Variants in EXOC4 observed in about 807,000 individuals in gnomAD.
The protein encoded by EXOC4 is exocyst complex component 4.
A neutral mutation model predicts 107.2 loss-of-function variants in EXOC4; 71 were observed. The ratio of observed to expected loss-of-function variants is 0.66; its 90% CI spans 0.55 to 0.81. The LOEUF (loss-of-function observed/expected upper bound fraction) is 0.81, where lower values mean the gene tolerates loss of function less well. Among genes scored for constraint, EXOC4 ranks in the 30% least tolerant of loss-of-function variants. EXOC4 has a pLI of 0.00. For missense variants in EXOC4, 1,108 were observed against 1,189.6 expected (o/e 0.93, Z 1.01); for synonymous variants, 456 against 441.2 (o/e 1.03, Z -0.42).
intron 9 of EXOC4, among the ~76,000 whole-genome samples, chr7:133,629,381 CA>C (rs1287704820): frequency 6.6e-6 from 1 of 152,094 alleles, no homozygotes; most frequent in Non-Finnish European, 1.5e-5. Context: ...CTTTATGTGC[CA>C]TACTATCCAA....
chr7:133,701,342 T>G (rs1794651363), intron 10 of EXOC4, among the ~76,000 whole-genome samples: 4 of 152,240 alleles, frequency 2.6e-5, no homozygotes, highest in Non-Finnish European at 4.4e-5. Flanking sequence ...AAGGAGAATA[T>G]TAACCTGATT....
intron 11 of EXOC4, among the ~76,000 whole-genome samples, chr7:133,844,109 A>G (rs1798073914): frequency 6.6e-6 from 1 of 152,100 alleles, no homozygotes; most frequent in African/African-American, 2.4e-5. Flanking sequence ...TATTAAGGAT[A>G]TTGGCCTTAA....
chr7:133,440,199 G>A (rs559648642), intron 7 of EXOC4, among the ~76,000 whole-genome samples: 127 of 152,174 alleles, frequency 8.3e-4, no homozygotes, highest in Non-Finnish European at 1.6e-3. Flanking sequence ...CACTACAATG[G>A]CTTTCTTATT....
intron 10 of EXOC4, among the ~76,000 whole-genome samples, chr7:133,790,575 TG>T (rs1381318795): frequency 6.6e-6 from 1 of 152,274 alleles, no homozygotes; most frequent in Non-Finnish European, 1.5e-5. Context: ...TTGTATTTTG[TG>T]GGTGACCACA....
intron 9 of EXOC4, among the ~76,000 whole-genome samples, chr7:133,541,441 A>T (rs1019303746): frequency 2.0e-5 from 3 of 152,194 alleles, no homozygotes; most frequent in Non-Finnish European, 4.4e-5. Flanking sequence ...ATAAATAACT[A>T]CTTTCAGGCA....
chr7:134,047,317 A>G (rs1190313202), intron 17 of EXOC4, among the ~76,000 whole-genome samples: 4 of 151,952 alleles, frequency 2.6e-5, no homozygotes, highest in African/African-American at 9.7e-5. Flanking sequence ...TTTCCCCTCA[A>G]AGGCCTTTTT....
chr7:134,092,106 A>G, the EXOC4 span, among the ~76,000 whole-genome samples: 1 of 152,146 alleles, frequency 6.6e-6, no homozygotes, highest in Non-Finnish European at 1.5e-5. Context: ...AGTTAACTAC[A>G]TTACATTATT....
At chr7:133,897,008 G>T (rs1438609305) in intron 12 of EXOC4, among the ~76,000 whole-genome samples, 2 of 149,228 alleles carry the variant, frequency 1.3e-5, no homozygotes, top group East Asian at 3.9e-4. Context: ...TAGTTTGACT[G>T]GAACAGAGTT....
intron 14 of EXOC4, among the ~76,000 whole-genome samples, chr7:133,978,461 G>A (rs1793894742): frequency 6.6e-6 from 1 of 152,194 alleles, no homozygotes; most frequent in Non-Finnish European, 1.5e-5. Flanking sequence ...GAGATTTAAA[G>A]TGCCATAGTT....
intron 11 of EXOC4, among the ~76,000 whole-genome samples, chr7:133,835,115 C>T (rs1797891150): frequency 6.6e-6 from 1 of 152,174 alleles, no homozygotes; most frequent in South Asian, 2.1e-4. Context: ...GTATGAATTT[C>T]CCAGTCTTGG....
intron 11 of EXOC4, among the ~76,000 whole-genome samples, chr7:133,841,960 G>A (rs1178643044): frequency 6.6e-6 from 1 of 152,118 alleles, no homozygotes; most frequent in Non-Finnish European, 1.5e-5. Flanking sequence ...GATGGCCTCT[G>A]GCTCCATCCA....
chr7:134,094,394 C>T, the EXOC4 span, among the ~76,000 whole-genome samples: 3 of 152,114 alleles, frequency 2.0e-5, no homozygotes, highest in Admixed American at 1.3e-4. Context: ...AGACCAATAT[C>T]GAGTTCTGAA....
chr7:133,548,370 A>G (rs938426300), intron 9 of EXOC4, among the ~76,000 whole-genome samples: 2 of 152,182 alleles, frequency 1.3e-5, no homozygotes, highest in African/African-American at 4.8e-5. Context: ...CATTAGCTTC[A>G]ACTTTAAGTC....
At chr7:133,552,964 T>C (rs1477426963) in intron 9 of EXOC4, among the ~76,000 whole-genome samples, 1 of 152,146 alleles carries the variant, frequency 6.6e-6, no homozygotes, top group Non-Finnish European at 1.5e-5. Context: ...CTTTGTAAGG[T>C]CTGATCCATT....
At chr7:133,646,574 G>T (rs2151030066) in intron 10 of EXOC4, among the ~76,000 whole-genome samples, 1 of 152,096 alleles carries the variant, frequency 6.6e-6, no homozygotes, top group South Asian at 2.1e-4. Flanking sequence ...ACCCACTTCT[G>T]GGAATTATCC....
chr7:133,978,674 A>G (rs1793899789), intron 14 of EXOC4, among the ~76,000 whole-genome samples: 2 of 152,212 alleles, frequency 1.3e-5, no homozygotes, highest in Admixed American at 6.5e-5. Context: ...TAATCAGGAA[A>G]TGCAGCCGGG....
the EXOC4 span, among the ~76,000 whole-genome samples, chr7:134,100,277 A>C: frequency 2.7e-5 from 2 of 73,688 alleles, no homozygotes; most frequent in Non-Finnish European, 6.7e-5. Context: ...ATTAGAAGCC[A>C]GGGAAGAGGC....
At chr7:133,969,753 C>G (rs1443830411) in intron 14 of EXOC4, among the ~76,000 whole-genome samples, 1 of 152,194 alleles carries the variant, frequency 6.6e-6, no homozygotes, top group Non-Finnish European at 1.5e-5. Context: ...AGCTGGAGCT[C>G]TCCTGTATGA....
At chr7:133,294,189 T>C (rs965688097) in intron 3 of EXOC4, among the ~76,000 whole-genome samples, 50 of 152,216 alleles carry the variant, frequency 3.3e-4, no homozygotes, top group Non-Finnish European at 5.9e-4. Flanking sequence ...GGAAGAATTA[T>C]TAATATAAGA....
Sources: gnomAD v4.1 joint callset for allele counts (sites outside exome capture counted in the v4.1 genomes callset) on GRCh38, gnomAD v4.1.1 for gene constraint, MANE v1.5 for transcripts, NCBI Gene and HGNC (gene_info 2026-07-23, HGNC 2026-07-21) for gene names.